Variants in CACNA2D3 observed in about 807,000 individuals in gnomAD.
CACNA2D3 encodes the protein voltage-dependent calcium channel subunit alpha-2/delta-3.
A neutral mutation model predicts 160.6 loss-of-function variants in CACNA2D3; 60 were observed. That is an observed-to-expected ratio of 0.37 (90% CI 0.30 to 0.46). The LOEUF is 0.46. CACNA2D3 is among the 20% of genes least tolerant of loss of function. The pLI is 1.00. For missense variants in CACNA2D3, 1,205 were observed against 1,365.0 expected (o/e 0.88, Z 1.85); for synonymous variants, 558 against 492.9 (o/e 1.13, Z -1.75).
At chr3:54,415,069 C>T (rs190299731) in intron 4 of CACNA2D3, among the ~76,000 whole-genome samples, 54 of 152,110 alleles carry the variant, frequency 3.6e-4, no homozygotes, top group African/African-American at 1.2e-3. Flanking sequence ...TTGGCATATC[C>T]GAAATTATGC....
At chr3:54,808,469 G>A (rs983578138) in intron 13 of CACNA2D3, among the ~76,000 whole-genome samples, 4 of 152,096 alleles carry the variant, frequency 2.6e-5, no homozygotes, top group Non-Finnish European at 5.9e-5. Context: ...AGCTAGCAGG[G>A]GAAAAGTGGG....
At chr3:54,826,392 T>G (rs1222552081) in intron 14 of CACNA2D3, among the ~76,000 whole-genome samples, 2 of 152,148 alleles carry the variant, frequency 1.3e-5, no homozygotes, top group African/African-American at 4.8e-5. Context: ...AAACAAAATG[T>G]TAGATGTTTA....
At chr3:54,683,580 A>G (rs1231913565) in intron 11 of CACNA2D3, among the ~76,000 whole-genome samples, 1 of 152,190 alleles carries the variant, frequency 6.6e-6, no homozygotes, top group African/African-American at 2.4e-5. Context: ...AATGCATACA[A>G]TACACACAGC....
intron 35 of CACNA2D3, among the ~76,000 whole-genome samples, chr3:55,029,324 G>A (rs1002553408): frequency 6.6e-6 from 1 of 152,006 alleles, no homozygotes; most frequent in African/African-American, 2.4e-5. Flanking sequence ...TCTCCAAGAG[G>A]GCTATAAGCA....
intron 2 of CACNA2D3, among the ~76,000 whole-genome samples, chr3:54,135,227 GTC>G (rs1184378204): frequency 6.6e-6 from 1 of 152,130 alleles, no homozygotes; most frequent in Non-Finnish European, 1.5e-5. Context: ...GAATTTCTGA[GTC>G]TGTGCTTTGA....
intron 9 of CACNA2D3, among the ~76,000 whole-genome samples, 189 bp from the exon 10 acceptor site, chr3:54,627,598 C>A (rs1211677902): frequency 6.6e-6 from 1 of 152,128 alleles, no homozygotes; most frequent in Non-Finnish European, 1.5e-5. Flanking sequence ...TGAAGCTAAA[C>A]CATGAATATT....
intron 11 of CACNA2D3, among the ~76,000 whole-genome samples, chr3:54,739,784 TGTGTGTG>T (rs1701609646): frequency 9.1e-6 from 1 of 109,342 alleles, no homozygotes; most frequent in Non-Finnish European, 2.2e-5. Flanking sequence ...TGTGTGTGTG[TGTGTGTG>T]TGTGGAATTA....
chr3:54,845,564 G>T (rs1451768165), intron 16 of CACNA2D3, among the ~76,000 whole-genome samples: 4 of 152,226 alleles, frequency 2.6e-5, no homozygotes, highest in Non-Finnish European at 5.9e-5. Flanking sequence ...TGATTTGTAG[G>T]TAAATTTATT....
intron 2 of CACNA2D3, among the ~76,000 whole-genome samples, chr3:54,215,111 TG>T (rs1351144714): frequency 6.6e-6 from 1 of 152,178 alleles, no homozygotes; most frequent in East Asian, 1.9e-4. Flanking sequence ...AGAGTAGCCA[TG>T]GGAGCCTAGG....
At chr3:54,719,045 T>C (rs1701118269) in intron 11 of CACNA2D3, among the ~76,000 whole-genome samples, 1 of 152,014 alleles carries the variant, frequency 6.6e-6, no homozygotes, top group South Asian at 2.1e-4. Flanking sequence ...ATGATGACTA[T>C]ATCTTTTTTA....
At chr3:54,834,452 C>G (rs1698624453) in intron 14 of CACNA2D3, among the ~76,000 whole-genome samples, 1 of 152,182 alleles carries the variant, frequency 6.6e-6, no homozygotes, top group Non-Finnish European at 1.5e-5. Context: ...TGCAGGTTTC[C>G]AGTGGTGGCC....
intron 27 of CACNA2D3, among the ~76,000 whole-genome samples, chr3:54,936,213 T>G (rs1701325069): frequency 6.6e-6 from 1 of 152,162 alleles, no homozygotes; most frequent in African/African-American, 2.4e-5. Flanking sequence ...AGCTAGTATC[T>G]TCTATTATTG....
chr3:54,639,165 C>T (rs1346004516), intron 10 of CACNA2D3: 2 of 151,594 alleles, frequency 1.3e-5, no homozygotes, highest in African/African-American at 4.9e-5. Flanking sequence ...GGTTCTTGCC[C>T]CCTAGGAAAG....
intron 2 of CACNA2D3, among the ~76,000 whole-genome samples, chr3:54,275,609 A>G (rs1207084794): frequency 1.3e-5 from 2 of 152,096 alleles, no homozygotes; most frequent in Non-Finnish European, 2.9e-5. Context: ...AAAAGGTGAT[A>G]GGAAAGTATC....
chr3:54,969,883 TAGA>T, intron 29 of CACNA2D3, 39 bp downstream of exon 29: 1 of 1,586,562 alleles, frequency 6.3e-7, no homozygotes, highest in Non-Finnish European at 8.6e-7. Context: ...CCCCTGTGGA[TAGA>T]AGGTGACAGA....
intron 35 of CACNA2D3, among the ~76,000 whole-genome samples, chr3:55,040,253 C>T (rs1296918359): frequency 6.6e-6 from 1 of 152,148 alleles, no homozygotes; most frequent in Non-Finnish European, 1.5e-5. Flanking sequence ...TAAAGACCAT[C>T]ACATTGCAGG....
At chr3:54,633,101 A>G (rs1699281915) in intron 10 of CACNA2D3, among the ~76,000 whole-genome samples, 1 of 152,198 alleles carries the variant, frequency 6.6e-6, no homozygotes, top group Admixed American at 6.5e-5. Flanking sequence ...CACCCTCAGG[A>G]TCACAGCCCT....
chr3:54,969,905 T>TA, intron 29 of CACNA2D3, 61 bp downstream of exon 29: 1 of 1,462,942 alleles, frequency 6.8e-7, no homozygotes, highest in Non-Finnish European at 9.5e-7. Context: ...GATGGTGCTT[T>TA]ATGACCGAGG....
chr3:54,205,309 T>C (rs1484501132), intron 2 of CACNA2D3, among the ~76,000 whole-genome samples: 2 of 152,132 alleles, frequency 1.3e-5, no homozygotes, highest in Admixed American at 1.3e-4. Flanking sequence ...GCCAGGCTGG[T>C]CTCGAACTCC....
Sources: gnomAD v4.1 joint callset for allele counts (sites outside exome capture counted in the v4.1 genomes callset) on GRCh38, gnomAD v4.1.1 for gene constraint, MANE v1.5 for transcripts, NCBI Gene and HGNC (gene_info 2026-07-23, HGNC 2026-07-21) for gene names.